Variants in SNX8 observed in about 807,000 individuals in gnomAD.
SNX8 encodes sorting nexin 8, also known as sorting nexin-8.
A neutral mutation model predicts 51.6 loss-of-function variants in SNX8; 25 were observed. That is an observed-to-expected ratio of 0.48 (90% confidence interval 0.35 to 0.68). The LOEUF (loss-of-function observed/expected upper bound fraction) is 0.68. SNX8 is among the 30% of genes least tolerant of loss of function. The probability of loss-of-function intolerance (pLI) is 0.00; values close to 1 mark genes in which losing one functional copy is unlikely to be tolerated. For missense variants in SNX8, 695 were observed against 624.0 expected, an observed-to-expected ratio of 1.11 and a Z score of -1.21; for synonymous variants, 324 against 277.0, an observed-to-expected ratio of 1.17 and a Z score of -1.68.
chr7:2,272,929 G>T (rs142425485), intron 3 of SNX8, among the ~76,000 whole-genome samples: 3,621 of 151,832 alleles, frequency 0.024, 126 homozygotes, highest in African/African-American at 0.083. Flanking sequence ...TAACTCCCAG[G>T]TTCAAGCGAT....
At chr7:2,271,583 T>A (rs1795644925) in intron 4 of SNX8, among the ~76,000 whole-genome samples, 1 of 152,084 alleles carries the variant, frequency 6.6e-6, no homozygotes, top group African/African-American at 2.4e-5. Context: ...CTCCAAACCA[T>A]CCAGCCTAAA....
At chr7:2,348,782 C>A (rs1779082339) in intron 1 of SNX8, among the ~76,000 whole-genome samples, 1 of 150,856 alleles carries the variant, frequency 6.6e-6, no homozygotes, top group Admixed American at 6.6e-5. Context: ...CCCATCTCCA[C>A]TAAAAATTAA....
intron 9 of SNX8, 79 bp from the exon 10 acceptor site, chr7:2,257,102 C>A: frequency 6.8e-7 from 1 of 1,465,032 alleles, no homozygotes; most frequent in South Asian, 1.4e-5. Flanking sequence ...AGCGTGCTCC[C>A]TGAGCCAGGG....
At chr7:2,315,955 C>T (rs558777468), upstream of SNX8, among the ~76,000 whole-genome samples, 1 of 151,486 alleles carries the variant, frequency 6.6e-6, no homozygotes, top group South Asian at 2.1e-4. Flanking sequence ...TTCATCCACT[C>T]ACTCACTCAC....
At chr7:2,296,689 G>T (rs988721975) in intron 1 of SNX8, among the ~76,000 whole-genome samples, 1 of 151,832 alleles carries the variant, frequency 6.6e-6, no homozygotes, top group Non-Finnish European at 1.5e-5. Context: ...CCAGCACTTT[G>T]GGAGGCCGAG....
At chr7:2,298,524 C>G (rs946394372) in intron 1 of SNX8, among the ~76,000 whole-genome samples, 23 of 151,768 alleles carry the variant, frequency 1.5e-4, no homozygotes, top group Non-Finnish European at 2.4e-4. Context: ...CATGCACCAG[C>G]ACGCCCAGGT....
At chr7:2,294,211 C>T (rs184207637) in intron 1 of SNX8, among the ~76,000 whole-genome samples, 2 of 151,612 alleles carry the variant, frequency 1.3e-5, no homozygotes, top group Non-Finnish European at 2.9e-5. Context: ...TGCAGTGAGC[C>T]GAGATCACGC....
At chr7:2,272,474 A>G (rs1226659346) in intron 3 of SNX8, among the ~76,000 whole-genome samples, 1 of 151,086 alleles carries the variant, frequency 6.6e-6, no homozygotes, top group Non-Finnish European at 1.5e-5. Context: ...TTCCAGGTTC[A>G]AGCGATTCTC....
At chr7:2,339,845 T>G (rs753611578) in intron 1 of SNX8, among the ~76,000 whole-genome samples, 3 of 151,900 alleles carry the variant, frequency 2.0e-5, no homozygotes, top group Non-Finnish European at 2.9e-5. Context: ...AAGAACAGAA[T>G]AGAGAGCCCA....
intron 10 of SNX8, 75 bp from the exon 11 acceptor site, chr7:2,255,244 T>C: frequency 1.0e-6 from 1 of 970,244 alleles, no homozygotes; most frequent in Non-Finnish European, 1.5e-6. Context: ...CCCAGTTCCT[T>C]CGCCTGCCAG....
At position 2,260,002 on chromosome 7, in the gene SNX8, AAAAG is replaced by A. The variant is rs1017427253; in HGVS notation, c.916-2203_916-2200del. Among the ~76,000 whole-genome samples, 8 of 152,290 alleles carry A rather than the reference AAAAG, an allele frequency of 5.3e-5. No homozygotes were observed. In the South Asian group the frequency reaches 8.3e-4, roughly 16 times the overall value. ...TGAACTAAAAAAAACAAAAAAGGAAAAAAGAAAGAGAGAGAGAAAGAAAGAGAGA... is the reference window on the plus strand; with the variant it reads ...TGAACTAAAAAAAACAAAAAAGGAAAAAAGAGAGAGAGAAAGAAAGAGAGA... On this transcript the variant is annotated intron_variant, in intron 7 of 10. Coordinates refer to ENST00000222990, the MANE Select transcript of SNX8 (RefSeq NM_013321.4).
At chr7:2,305,738 G>A (rs764898910) in intron 1 of SNX8, among the ~76,000 whole-genome samples, 2 of 151,806 alleles carry the variant, frequency 1.3e-5, no homozygotes, top group African/African-American at 4.8e-5. Flanking sequence ...ATGAACACTC[G>A]AACAAAATTA....
chr7:2,263,707 A>G (rs1795393141), intron 6 of SNX8, among the ~76,000 whole-genome samples: 1 of 151,462 alleles, frequency 6.6e-6, no homozygotes, highest in Non-Finnish European at 1.5e-5. Flanking sequence ...TTCTTCCCCA[A>G]GTCAAAGGGA....
intron 5 of SNX8, among the ~76,000 whole-genome samples, chr7:2,267,489 G>C (rs1361221988): frequency 1.6e-5 from 2 of 127,658 alleles, no homozygotes; most frequent in East Asian, 2.2e-4. Context: ...CGCCTGACTG[G>C]TTTTGGTGGA....
intron 1 of SNX8, among the ~76,000 whole-genome samples, chr7:2,285,937 C>T (rs1796017143): frequency 6.6e-6 from 1 of 152,160 alleles, no homozygotes. Flanking sequence ...CCCACCTCAA[C>T]CTATCAAAGT....
chr7:2,298,396 G>A (rs1378398416), intron 1 of SNX8, among the ~76,000 whole-genome samples: 2 of 152,010 alleles, frequency 1.3e-5, no homozygotes, highest in African/African-American at 4.8e-5. Flanking sequence ...TTGAGACGGA[G>A]TCTCATTCTG....
chr7:2,307,642 A>G (rs1045439316), intron 1 of SNX8: 1 of 149,870 alleles, frequency 6.7e-6, no homozygotes, highest in African/African-American at 2.5e-5. Context: ...TCCAAAAAAA[A>G]AAAAAAAAAA....
At chr7:2,310,025 G>T in intron 1 of SNX8, 1 of 378,272 alleles carries the variant, frequency 2.6e-6, no homozygotes, top group Non-Finnish European at 5.4e-6. Context: ...AATGCCATGG[G>T]ATGAGCCGCA....
chr7:2,284,447 G>T (rs1459690946), intron 1 of SNX8, among the ~76,000 whole-genome samples: 2 of 133,692 alleles, frequency 1.5e-5, no homozygotes, highest in African/African-American at 5.9e-5. Flanking sequence ...TGTTGCCCAG[G>T]CTGGAGTGCA....
Sources: gnomAD v4.1 joint callset for allele counts (sites outside exome capture counted in the v4.1 genomes callset) on GRCh38, gnomAD v4.1.1 for gene constraint, MANE v1.5 for transcripts, NCBI Gene and HGNC (gene_info 2026-07-23, HGNC 2026-07-21) for gene names.